The following TERF1 variants were observed in gnomAD, a reference collection of about 807,000 sequenced individuals.
TERF1 encodes the protein telomeric repeat-binding factor 1.
In TERF1, 20 loss-of-function variants were observed where a neutral mutation model predicts 55.1. That is an observed-to-expected ratio of 0.36 (90% CI 0.26 to 0.53). The LOEUF (loss-of-function observed/expected upper bound fraction) is 0.53. Among genes scored for constraint, TERF1 ranks in the 20% least tolerant of loss-of-function variants. The probability of loss-of-function intolerance (pLI) is 0.91; values close to 1 mark genes in which losing one functional copy is unlikely to be tolerated. For missense variants in TERF1, 439 were observed against 535.7 expected (o/e 0.82, Z 1.78); for synonymous variants, 168 against 181.2 (o/e 0.93, Z 0.59).
At chr8:73,013,362 C>T (rs922862492) in intron 1 of TERF1, among the ~76,000 whole-genome samples, 3 of 152,250 alleles carry the variant, frequency 2.0e-5, no homozygotes, top group Non-Finnish European at 2.9e-5. Context: ...GTAGTTCAAT[C>T]GCTTGTCTCA....
intron 8 of TERF1, among the ~76,000 whole-genome samples, chr8:73,038,176 C>G (rs1191986118): frequency 6.6e-6 from 1 of 151,700 alleles, no homozygotes; most frequent in Non-Finnish European, 1.5e-5. Context: ...AGGCCATGAC[C>G]TGATGGCTCA....
chr8:73,040,776 TC>T (rs1809802875), intron 9 of TERF1, among the ~76,000 whole-genome samples: 1 of 152,188 alleles, frequency 6.6e-6, no homozygotes, highest in Non-Finnish European at 1.5e-5. Context: ...TCTTAGTTAT[TC>T]CTTTATCTTT....
intron 2 of TERF1, among the ~76,000 whole-genome samples, chr8:73,018,111 T>C (rs566133404): frequency 6.6e-6 from 1 of 152,316 alleles, no homozygotes; most frequent in African/African-American, 2.4e-5. Flanking sequence ...CCAGTTATAT[T>C]GGTTTGTCTG....
chr8:73,038,793 A>G, intron 8 of TERF1: 1 of 952,434 alleles, frequency 1.0e-6, no homozygotes, highest in Non-Finnish European at 1.3e-6. Context: ...CTAAAACATT[A>G]TCGTAAGAAA....
intron 2 of TERF1, among the ~76,000 whole-genome samples, chr8:73,019,943 A>C (rs547018948): frequency 6.6e-6 from 1 of 152,238 alleles, no homozygotes; most frequent in African/African-American, 2.4e-5. Context: ...TATATTGTTT[A>C]CTACTCTGAA....
intron 8 of TERF1, among the ~76,000 whole-genome samples, chr8:73,037,796 TATA>T (rs549400347): frequency 0.021 from 1,840 of 87,046 alleles, 98 homozygotes; most frequent in African/African-American, 0.097. Flanking sequence ...TAATATATAG[TATA>T]ATAATATATA....
At chr8:73,014,061 CAG>C in intron 2 of TERF1, 71 bp downstream of exon 2, 2 of 1,343,810 alleles carry the variant, frequency 1.5e-6, no homozygotes, top group Non-Finnish European at 2.1e-6. Context: ...TGGGAAGAAA[CAG>C]ACGTTTTTGG....
chr8:73,047,459 A>G lies in TERF1; in HGVS notation c.*1322A>G, dbSNP rs994622294. On this transcript the variant is annotated 3_prime_UTR_variant, in exon 10 of 10. Coordinates refer to ENST00000276603, the MANE Select transcript of TERF1 (RefSeq NM_017489.3). ...ATTAACTATGATCATCTTGATGTCT[A>G]TGATAGATAATAAACAAGGTCATAC... The G allele has an allele frequency of 7.2e-5, 11 of 152,176 alleles. No individual in the cohort carries two copies. The highest frequency in any genetic ancestry group is 2.6e-4 in the Admixed American group (4 of 15,274). The allele number at this position is 152,176 out of a possible 1,614,324, so 9.4% of individuals were successfully genotyped here. A position where few individuals can be genotyped will look rare whatever the true frequency, so the allele number is the denominator to read the frequency against.
intron 2 of TERF1, among the ~76,000 whole-genome samples, chr8:73,016,120 T>TA (rs1462601680): frequency 2.6e-5 from 4 of 151,978 alleles, no homozygotes; most frequent in Admixed American, 1.3e-4. Context: ...CCCCATCTCT[T>TA]AAAAAAAATC....
intron 5 of TERF1, 137 bp from the exon 6 acceptor site, chr8:73,026,803 A>G: frequency 1.5e-6 from 1 of 662,922 alleles, no homozygotes; most frequent in South Asian, 1.8e-5. Context: ...ATAACAACAC[A>G]GTGCCCTTCA....
intron 9 of TERF1, 138 bp from the exon 10 acceptor site, chr8:73,045,823 T>A: frequency 1.6e-6 from 1 of 629,630 alleles, no homozygotes; most frequent in Non-Finnish European, 2.5e-6. Context: ...CTTTTAAAAA[T>A]CTAAGAAATG....
At chr8:73,020,197 A>C (rs372848753) in intron 2 of TERF1, among the ~76,000 whole-genome samples, 3 of 152,216 alleles carry the variant, frequency 2.0e-5, no homozygotes, top group East Asian at 1.9e-4. Context: ...ATTAGTTATC[A>C]GCTGTTGTGA....
intron 2 of TERF1, among the ~76,000 whole-genome samples, chr8:73,015,309 T>C (rs1011814918): frequency 3.6e-4 from 48 of 133,042 alleles, no homozygotes; most frequent in Non-Finnish European, 1.1e-4. Flanking sequence ...CATAACCCTT[T>C]TGCTTTTTTT....
chr8:73,016,217 C>T (rs10104094), intron 2 of TERF1, among the ~76,000 whole-genome samples: 59,216 of 151,942 alleles, frequency 0.39, 12,200 homozygotes, highest in Non-Finnish European at 0.46. Flanking sequence ...TTCAAACTAG[C>T]CATATTTTAG....
chr8:73,024,743 TTAAA>T (rs1363593795), intron 4 of TERF1, 75 bp from the exon 5 acceptor site: 2 of 1,044,950 alleles, frequency 1.9e-6, no homozygotes, highest in African/African-American at 3.5e-5. Flanking sequence ...TTCTTTTCAA[TTAAA>T]TAATATGTGA....
chr8:73,022,303 G>T lies in TERF1; in HGVS notation c.624+1G>T. 1 of 1,538,926 alleles carries T rather than the reference G, an allele frequency of 6.5e-7. No homozygotes were observed. Among genetic ancestry groups the T allele is most frequent in the African/African-American group, 1.4e-5 (1 of 71,596 alleles). On this transcript the variant is annotated splice_donor_variant, in intron 4 of 9. Coordinates refer to ENST00000276603, the MANE Select transcript of TERF1 (RefSeq NM_017489.3). LOFTEE classifies it high-confidence loss of function. ...ATTTGGTGATCCAAATTCTCATATG[G>T]TAATTATTTAAATTAAAACCATAGA...
intron 9 of TERF1, among the ~76,000 whole-genome samples, chr8:73,042,671 T>C (rs1809881475): frequency 6.6e-6 from 1 of 152,188 alleles, no homozygotes; most frequent in Non-Finnish European, 1.5e-5. Flanking sequence ...AGTATTTTCT[T>C]TTACTATTCG....
intron 8 of TERF1, among the ~76,000 whole-genome samples, chr8:73,036,473 T>C (rs1809514598): frequency 6.6e-6 from 1 of 152,150 alleles, no homozygotes; most frequent in Non-Finnish European, 1.5e-5. Flanking sequence ...ATAGATGATT[T>C]TGCAGAGAAC....
chr8:73,025,001 A>G (rs375690454), intron 5 of TERF1, 30 bp downstream of exon 5: 2 of 1,335,422 alleles, frequency 1.5e-6, no homozygotes, highest in African/African-American at 3.0e-5. Context: ...GTGACTAATA[A>G]TAGACTTAAA....
Sources: gnomAD v4.1 joint callset for allele counts (sites outside exome capture counted in the v4.1 genomes callset) on GRCh38, gnomAD v4.1.1 for gene constraint, MANE v1.5 for transcripts, NCBI Gene and HGNC (gene_info 2026-07-23, HGNC 2026-07-21) for gene names.